LOXL2: variants seen among roughly 807,000 people sequenced by gnomAD.
LOXL2 encodes the protein lysyl oxidase like 2.
Under a neutral mutation model 93.0 loss-of-function variants are expected in LOXL2, and 70 were observed. The ratio of observed to expected loss-of-function variants is 0.75; its 90% CI spans 0.62 to 0.92. LOXL2 has a LOEUF of 0.92. Ranked by LOEUF, LOXL2 falls within the 40% of genes least tolerant of loss-of-function variation. The pLI, the probability that LOXL2 is intolerant of heterozygous loss-of-function variation, is 0.00. For missense variants in LOXL2, 973 were observed against 1,054.9 expected, an observed-to-expected ratio of 0.92 and a Z score of 1.08; for synonymous variants, 438 against 413.2, an observed-to-expected ratio of 1.06 and a Z score of -0.73.
chr8:23,387,355 C>G (rs1444922754), intron 1 of LOXL2, among the ~76,000 whole-genome samples: 2 of 152,190 alleles, frequency 1.3e-5, no homozygotes, highest in Non-Finnish European at 2.9e-5. Flanking sequence ...ATTAGAGGGA[C>G]TCGGGGATCG....
intron 1 of LOXL2, among the ~76,000 whole-genome samples, chr8:23,381,107 T>TG (rs1554483465): frequency 1.2e-4 from 18 of 151,784 alleles, no homozygotes; most frequent in African/African-American, 4.4e-4. Context: ...TTTTTTTTTT[T>TG]GTACACATTT....
intron 1 of LOXL2, among the ~76,000 whole-genome samples, chr8:23,375,763 G>A (rs1804577828): frequency 6.6e-6 from 1 of 152,138 alleles, no homozygotes; most frequent in African/African-American, 2.4e-5. Flanking sequence ...GTGTAAGAAT[G>A]CTTGTGATAT....
chr8:23,333,573 C>T lies in LOXL2; in HGVS notation c.794G>A (p.Cys265Tyr). 1 of 1,613,882 alleles carries T rather than the reference C, an allele frequency of 6.2e-7. No individual in the cohort carries two copies. The highest frequency in any genetic ancestry group is 8.5e-7 in the Non-Finnish European group (1 of 1,180,050). ...GGAGATGTGGGCCTCTGTGCCGGTG[C>T]AGTCCATGGAGAATGGCCAGTAGCG... ...KQRYWPFSMD[C>Y]TGTEAHISSC... Residue 265 changes from cysteine to tyrosine, a missense_variant, in exon 5 of 14, where the codon TGC becomes TAC. Physicochemically the swap from Cys to Tyr is radical, Grantham distance 194 (BLOSUM62 -2). Transcript: ENST00000389131.
intron 1 of LOXL2, among the ~76,000 whole-genome samples, chr8:23,378,318 C>G (rs1223676082): frequency 6.6e-6 from 1 of 152,226 alleles, no homozygotes; most frequent in Admixed American, 6.5e-5. Context: ...TGCTGCTAGT[C>G]TGATGGGTTT....
At chr8:23,304,558 T>C (rs1331825457) in intron 10 of LOXL2, among the ~76,000 whole-genome samples, 2 of 152,282 alleles carry the variant, frequency 1.3e-5, no homozygotes, top group East Asian at 1.9e-4. Flanking sequence ...TCCCCTGTTT[T>C]GTTGCTGCAG....
chr8:23,360,032 G>A, intron 3 of LOXL2, 58 bp downstream of exon 3: 1 of 1,503,742 alleles, frequency 6.7e-7, no homozygotes, highest in Admixed American at 1.7e-5. Flanking sequence ...CAAAAAGCGA[G>A]TTGCATGGAA....
At chr8:23,314,346 A>G (rs190419000) in intron 9 of LOXL2, among the ~76,000 whole-genome samples, 2,807 of 143,664 alleles carry the variant, frequency 0.02, 97 homozygotes, top group African/African-American at 0.068. Context: ...ATGCACACGT[A>G]TGTTTATTGC....
intron 12 of LOXL2, among the ~76,000 whole-genome samples, chr8:23,299,324 C>T (rs2280937): frequency 0.098 from 14,964 of 152,166 alleles, 1,082 homozygotes; most frequent in East Asian, 0.35. Flanking sequence ...GAGGACCTGG[C>T]GGTGTGGGAA....
intron 1 of LOXL2, among the ~76,000 whole-genome samples, chr8:23,396,660 A>T (rs571782946): frequency 6.6e-6 from 1 of 152,384 alleles, no homozygotes; most frequent in East Asian, 1.9e-4. Flanking sequence ...TGACTCTTTC[A>T]AATCACAGAT....
intron 1 of LOXL2, among the ~76,000 whole-genome samples, chr8:23,381,645 T>C (rs548565270): frequency 7.9e-4 from 121 of 152,376 alleles, no homozygotes; most frequent in African/African-American, 2.9e-3. Context: ...CCCTGCCTTA[T>C]ACCCCTTTTT....
chr8:23,328,036 G>A (rs774032018), intron 6 of LOXL2, among the ~76,000 whole-genome samples: 1 of 114,776 alleles, frequency 8.7e-6, no homozygotes, highest in Non-Finnish European at 2.2e-5. Context: ...CCTGCAGGAG[G>A]GGCCTGAGAA....
At chr8:23,325,299 T>C (rs1021565674) in intron 6 of LOXL2, among the ~76,000 whole-genome samples, 2 of 152,142 alleles carry the variant, frequency 1.3e-5, no homozygotes, top group South Asian at 4.2e-4. Flanking sequence ...TTCTATTTGT[T>C]TTCTTTTTGA....
At chr8:23,335,837 C>T (rs1457303888) in intron 4 of LOXL2, among the ~76,000 whole-genome samples, 1 of 152,200 alleles carries the variant, frequency 6.6e-6, no homozygotes, top group African/African-American at 2.4e-5. Context: ...GCAAATCCTA[C>T]AGACACAGTT....
Position 23,395,251 on chromosome 8 carries a change from TCAAAA to T in LOXL2, c.-84+8698_-84+8702del, listed in dbSNP as rs751648337. 1.5e-4 allele frequency among the ~76,000 whole-genome samples: 19 copies of T among 128,328 alleles called. No homozygotes were observed. The South Asian group carries it at 3.9e-3, about 27-fold the overall frequency. 84.2% of individuals were successfully genotyped at this position (128,328 alleles called of 152,430 possible). A position where few individuals can be genotyped will look rare whatever the true frequency, so the allele number is the denominator to read the frequency against. On this transcript the variant is annotated intron_variant, in intron 1 of 13. Coordinates refer to ENST00000389131, the MANE Select transcript of LOXL2 (RefSeq NM_002318.3). ...CCTGGTGACAGAGCAAGATTCCGTC[TCAAAA>T]CAAAACAAAACAAAGAAACAACAAC... is the stretch of plus-strand genomic sequence containing the variant.
At chr8:23,346,173 T>TAAAAA (rs1393419687) in intron 3 of LOXL2, among the ~76,000 whole-genome samples, 1 of 106,926 alleles carries the variant, frequency 9.4e-6, no homozygotes, top group Non-Finnish European at 1.9e-5. Flanking sequence ...TAAAATAAAA[T>TAAAAA]AAATAAAATA....
intron 12 of LOXL2, among the ~76,000 whole-genome samples, chr8:23,300,257 A>G (rs1361052433): frequency 6.6e-6 from 1 of 152,114 alleles, no homozygotes; most frequent in Non-Finnish European, 1.5e-5. Flanking sequence ...TGTGTCCCCC[A>G]CTGTTTCACC....
At chr8:23,345,469 G>T (rs1417173471) in intron 3 of LOXL2, among the ~76,000 whole-genome samples, 1 of 152,222 alleles carries the variant, frequency 6.6e-6, no homozygotes. Context: ...GGAGAGCTGG[G>T]CTCCCAGCAT....
intron 3 of LOXL2, among the ~76,000 whole-genome samples, chr8:23,351,094 G>A (rs567676638): frequency 6.6e-5 from 10 of 152,288 alleles, no homozygotes; most frequent in Middle Eastern, 3.4e-3. Flanking sequence ...TGGGCAAGAC[G>A]GTCCGTTCCA....
At chr8:23,364,806 C>T (rs1414221436) in intron 2 of LOXL2, 1 of 152,230 alleles carries the variant, frequency 6.6e-6, no homozygotes, top group Non-Finnish European at 1.5e-5. Context: ...CCCACCACTG[C>T]ACTCCAGCCT....
Sources: allele counts gnomAD v4.1 joint callset (sites outside exome capture counted in the v4.1 genomes callset), GRCh38; gene constraint gnomAD v4.1.1; transcripts MANE v1.5; gene names NCBI Gene and HGNC (gene_info 2026-07-23, HGNC 2026-07-21).